The following FAM114A1 variants were observed in gnomAD, a reference collection of about 807,000 sequenced individuals.
FAM114A1 encodes the protein protein NOXP20.
FAM114A1 carries 62 observed loss-of-function variants against 64.3 expected under a neutral mutation model. The ratio of observed to expected loss-of-function variants is 0.96; its 90% CI spans 0.79 to 1.19. The LOEUF (loss-of-function observed/expected upper bound fraction) is 1.19, where lower values mean the gene tolerates loss of function less well. FAM114A1 is among the 50% of genes most tolerant of loss of function. The pLI is 0.00. For missense variants in FAM114A1, 645 were observed against 676.3 expected, an observed-to-expected ratio of 0.95 and a Z score of 0.51; for synonymous variants, 254 against 251.1, an observed-to-expected ratio of 1.01 and a Z score of -0.11.
intron 9 of FAM114A1, among the ~76,000 whole-genome samples, chr4:38,925,012 G>A (rs1403415815): frequency 6.6e-6 from 1 of 152,200 alleles, no homozygotes; most frequent in African/African-American, 2.4e-5. Context: ...TTCCTTGGAG[G>A]GGAAACTTAA....
chr4:38,905,434 A>G (rs985295170), intron 4 of FAM114A1, 88 bp from the exon 5 acceptor site: 3 of 986,094 alleles, frequency 3.0e-6, no homozygotes, highest in African/African-American at 3.3e-5. Context: ...TACTTCTGCA[A>G]CTTGAAACAG....
Position 38,931,519 on chromosome 4 carries a change from G to A in FAM114A1, c.1230G>A (p.Val410=), listed in dbSNP as rs1720635780. The A allele has an allele frequency of 2.5e-6, 4 of 1,613,982 alleles. No homozygotes were observed. Among genetic ancestry groups the A allele is most frequent in the Non-Finnish European group, 8.5e-7 (1 of 1,179,992 alleles). ...QTVVSVDVAK[V]SEEETKKEEK... ...TGGTGTCAGTAGATGTGGCAAAAGTGTCCGAAGAAGAAACAAAGAAGGAAG... is the reference window on the plus strand; with the variant it reads ...TGGTGTCAGTAGATGTGGCAAAAGTATCCGAAGAAGAAACAAAGAAGGAAG... The change falls in exon 11 of 15, where the codon GTG becomes GTA. Residue 410 remains valine (V), a synonymous_variant. Coordinates refer to ENST00000358869, the MANE Select transcript of FAM114A1 (RefSeq NM_138389.4).
chr4:38,922,501 C>T lies in FAM114A1; in HGVS notation c.946-269C>T, dbSNP rs117021809. Among the ~76,000 whole-genome samples the T allele has an allele frequency of 5.5e-3, 845 of 152,318 alleles. 13 individuals are homozygous for T. The highest frequency in any genetic ancestry group is 0.044 in the South Asian group (211 of 4,824). ...ACCACCACCATTTATGCAGCACATA[C>T]TGTGTGCAGTTGTGCAAAGTATTTC... is the stretch of plus-strand genomic sequence containing the variant. On this transcript the variant is annotated intron_variant, in intron 8 of 14. Coordinates refer to ENST00000358869, the MANE Select transcript of FAM114A1 (RefSeq NM_138389.4).
intron 8 of FAM114A1, among the ~76,000 whole-genome samples, chr4:38,915,746 T>G (rs1447499830): frequency 9.3e-5 from 3 of 32,144 alleles, no homozygotes; most frequent in African/African-American, 5.0e-4. Context: ...TCTATAGTGG[T>G]GTGTGTGTGT....
intron 2 of FAM114A1, among the ~76,000 whole-genome samples, chr4:38,876,285 T>C (rs1714630709): frequency 6.7e-6 from 1 of 149,618 alleles, no homozygotes; most frequent in Non-Finnish European, 1.5e-5. Flanking sequence ...TTATTGTGCC[T>C]CAGCCTCCTA....
chr4:38,896,337 G>C (rs758395794), intron 4 of FAM114A1, among the ~76,000 whole-genome samples: 22 of 152,224 alleles, frequency 1.4e-4, no homozygotes, highest in Non-Finnish European at 2.5e-4. Flanking sequence ...ATATTTTGGA[G>C]ATTTCTGATG....
intron 3 of FAM114A1, among the ~76,000 whole-genome samples, chr4:38,887,878 G>T (rs1440946522): frequency 6.6e-6 from 1 of 152,100 alleles, no homozygotes; most frequent in Admixed American, 6.5e-5. Flanking sequence ...CCCCTTTTTA[G>T]CGTAGCTATG....
intron 9 of FAM114A1, chr4:38,929,023 C>G (rs1720394182): frequency 1.9e-6 from 1 of 517,550 alleles, no homozygotes; most frequent in Non-Finnish European, 3.5e-6. Context: ...CTGGAGCTGC[C>G]AAACAGCAAG....
chr4:38,876,479 C>T (rs1714655321), intron 2 of FAM114A1, among the ~76,000 whole-genome samples: 1 of 152,114 alleles, frequency 6.6e-6, no homozygotes. Context: ...CCTTCCTATG[C>T]TTATTCTCAT....
rs1718904836 is a variant in FAM114A1, at chr4:38,915,013, A to G, written c.885A>G (p.Glu295=). Residue 295 remains glutamate, a synonymous_variant, in exon 8 of 15, where the codon GAA becomes GAG. Transcript: ENST00000358869. ...RTAHYGMLFD[E]YQGLSHLEAL... is the part of the protein sequence containing the mutation. ...CGCACTACGGGATGCTGTTTGATGA[A>G]TATCAAGGCTTGTCACACCTGGAAG... The G allele has an allele frequency of 2.5e-6, 4 of 1,614,192 alleles. No individual in the cohort carries two copies. The highest frequency in any genetic ancestry group is 1.3e-5 in the African/African-American group (1 of 75,044).
chr4:38,942,641 GAAT>G (rs1721662072), intron 14 of FAM114A1, among the ~76,000 whole-genome samples: 1 of 152,156 alleles, frequency 6.6e-6, no homozygotes, highest in Non-Finnish European at 1.5e-5. Flanking sequence ...CACAAAACAG[GAAT>G]AATAATTTCA....
intron 9 of FAM114A1, chr4:38,928,975 C>T: frequency 2.2e-6 from 1 of 449,796 alleles, no homozygotes; most frequent in East Asian, 4.4e-5. Context: ...CCCTCCCTGA[C>T]CTCTTGTTGC....
In FAM114A1 at chr4:38,931,469, G is replaced by C. The variant is rs1720627288; in HGVS notation, c.1180G>C (p.Asp394His). 6.2e-7 allele frequency: 1 copy of C among 1,613,428 alleles called. No homozygotes were observed. The highest frequency in any genetic ancestry group is 8.5e-7 in the Non-Finnish European group (1 of 1,179,892). Residue 394 changes from aspartate (D) to histidine (H), a missense_variant, in exon 11 of 15, where the codon GAC becomes CAC. Coordinates refer to ENST00000358869, the MANE Select transcript of FAM114A1 (RefSeq NM_138389.4). ...TCTGCAGGCCATGAAGAGGGCTCATGACTGGGTGGAAGAGGATCAAACCGT... is the reference window on the plus strand; with the variant it reads ...TCTGCAGGCCATGAAGAGGGCTCATCACTGGGTGGAAGAGGATCAAACCGT... ...KLNKAMKRAH[D>H]WVEEDQTVVS...
At chr4:38,934,630 G>A (rs1177465749) in intron 12 of FAM114A1, among the ~76,000 whole-genome samples, 1 of 152,108 alleles carries the variant, frequency 6.6e-6, no homozygotes, top group Non-Finnish European at 1.5e-5. Context: ...ACATTACTAG[G>A]TAATCAGATT....
intron 13 of FAM114A1, among the ~76,000 whole-genome samples, chr4:38,939,989 A>T (rs967854455): frequency 6.6e-6 from 1 of 151,476 alleles, no homozygotes; most frequent in Non-Finnish European, 1.5e-5. Flanking sequence ...CCTAGGTTTA[A>T]GCAATTCTCC....
Position 38,943,684 on chromosome 4 carries a change from C to A in FAM114A1, c.*127C>A. 1.5e-6 allele frequency: 1 copy of A among 668,496 alleles called. No homozygotes were observed. Among genetic ancestry groups the A allele is most frequent in the Non-Finnish European group, 2.6e-6 (1 of 378,434 alleles). 41.4% of individuals were successfully genotyped at this position (668,496 alleles called of 1,614,324 possible). The stretch of plus-strand genomic sequence containing the variant: ...TTTGAGGACACTACAAGCAATTTTG[C>A]ACAGACAATATTGAGAATGCAAATT... On this transcript the variant is annotated 3_prime_UTR_variant, in exon 15 of 15. Transcript: ENST00000358869.
intron 2 of FAM114A1, among the ~76,000 whole-genome samples, chr4:38,869,531 C>A (rs1713807735): frequency 6.6e-6 from 1 of 152,228 alleles, no homozygotes; most frequent in Middle Eastern, 3.4e-3. Flanking sequence ...ATATTTACAC[C>A]TAATGGTTTT....
At chr4:38,926,983 A>G (rs1720170755) in intron 9 of FAM114A1, among the ~76,000 whole-genome samples, 1 of 152,170 alleles carries the variant, frequency 6.6e-6, no homozygotes, top group African/African-American at 2.4e-5. Flanking sequence ...TGGCTTCGTC[A>G]TGAGCAAAGA....
At chr4:38,881,747 TCATTTTTTTCTATTTTATTTGC>T (rs1459493783) in intron 3 of FAM114A1, among the ~76,000 whole-genome samples, 3 of 152,364 alleles carry the variant, frequency 2.0e-5, no homozygotes, top group African/African-American at 7.2e-5. Flanking sequence ...TGATTATTGT[TCATTTTTTTCTATTTTATTTGC>T]CTCTTGTTGC....
Sources: allele counts gnomAD v4.1 joint callset (sites outside exome capture counted in the v4.1 genomes callset), GRCh38; gene constraint gnomAD v4.1.1; transcripts MANE v1.5; gene names NCBI Gene and HGNC (gene_info 2026-07-23, HGNC 2026-07-21).